WWOX: variants seen among roughly 807,000 people sequenced by gnomAD.
The protein encoded by WWOX is WW domain containing oxidoreductase, also known as WW domain-containing oxidoreductase.
In WWOX, 69 loss-of-function variants were observed where a neutral mutation model predicts 46.2. The ratio of observed to expected loss-of-function variants is 1.49; its 90% confidence interval spans 1.23 to 1.82. The LOEUF (loss-of-function observed/expected upper bound fraction) is 1.82, where lower values mean the gene tolerates loss of function less well. Among genes scored for constraint, WWOX ranks in the 40% most tolerant of loss-of-function variants. The probability of loss-of-function intolerance (pLI) is 0.00; values close to 1 mark genes in which losing one functional copy is unlikely to be tolerated. For missense variants in WWOX, 919 were observed against 542.6 expected (o/e 1.69, Z -6.89); for synonymous variants, 359 against 202.6 (o/e 1.77, Z -6.56).
chr16:78,189,844 G>A (rs1309050617), intron 5 of WWOX, among the ~76,000 whole-genome samples: 1 of 151,916 alleles, frequency 6.6e-6, no homozygotes, highest in African/African-American at 2.4e-5. Flanking sequence ...TAGTAGAGAC[G>A]AGGTTTCACC....
chr16:79,134,732 A>C (rs2049950369), intron 8 of WWOX, among the ~76,000 whole-genome samples: 1 of 152,206 alleles, frequency 6.6e-6, no homozygotes. Context: ...GAAATGAAGT[A>C]ACTCAGCTAA....
At chr16:78,251,082 G>A (rs1429594507) in intron 5 of WWOX, among the ~76,000 whole-genome samples, 1 of 152,156 alleles carries the variant, frequency 6.6e-6, no homozygotes, top group African/African-American at 2.4e-5. Context: ...TACCGCTATT[G>A]GGGTGTGTTC....
chr16:78,854,734 C>A (rs1464805858), intron 8 of WWOX, among the ~76,000 whole-genome samples: 4 of 151,994 alleles, frequency 2.6e-5, no homozygotes, highest in African/African-American at 9.7e-5. Flanking sequence ...GCACATGCCA[C>A]CACTCCCAGC....
intron 8 of WWOX, among the ~76,000 whole-genome samples, chr16:78,782,098 C>T (rs746873578): frequency 3.3e-5 from 5 of 152,130 alleles, no homozygotes; most frequent in African/African-American, 7.2e-5. Context: ...GAAGCTGTTA[C>T]ATTTGGCAGC....
intron 5 of WWOX, among the ~76,000 whole-genome samples, chr16:78,354,039 G>C (rs1567518931): frequency 1.3e-5 from 2 of 152,114 alleles, no homozygotes; most frequent in South Asian, 2.1e-4. Context: ...TTCAGTCTAC[G>C]CAAGGGTATT....
chr16:79,176,006 C>G (rs759930479), intron 8 of WWOX, among the ~76,000 whole-genome samples: 1 of 152,150 alleles, frequency 6.6e-6, no homozygotes, highest in African/African-American at 2.4e-5. Context: ...GAAATGTTAC[C>G]TGCTCTATGA....
chr16:78,790,162 G>A (rs190813555), intron 8 of WWOX, among the ~76,000 whole-genome samples: 1 of 152,062 alleles, frequency 6.6e-6, no homozygotes, highest in African/African-American at 2.4e-5. Flanking sequence ...TTTGGGACAG[G>A]GTCTTGCTCT....
At chr16:78,331,495 G>A (rs1263067445) in intron 5 of WWOX, among the ~76,000 whole-genome samples, 3 of 152,286 alleles carry the variant, frequency 2.0e-5, no homozygotes, top group East Asian at 1.9e-4. Context: ...TCGTAATATA[G>A]CTAGTTTTTG....
chr16:79,073,764 G>T (rs1017794277), intron 8 of WWOX, among the ~76,000 whole-genome samples: 1 of 152,134 alleles, frequency 6.6e-6, no homozygotes, highest in Non-Finnish European at 1.5e-5. Context: ...CAGGGCTTCC[G>T]TAGGGTTTAT....
Position 78,119,579 on chromosome 16 carries a change from A to T in WWOX, c.409+4425A>T, listed in dbSNP as rs901242708. 3.9e-5 allele frequency among the ~76,000 whole-genome samples: 6 copies of T among 151,928 alleles called. No homozygotes were observed. The East Asian group carries it at 1.2e-3, about 29-fold the overall frequency. Reference sequence around the variant, plus strand: ...TTTTCTGTAAGCAGACAGATTTATTATCATATTTACGGAGTGACATCCAGG... The same window carrying T: ...TTTTCTGTAAGCAGACAGATTTATTTTCATATTTACGGAGTGACATCCAGG... On this transcript the variant is annotated intron_variant, in intron 4 of 8. Transcript: ENST00000566780.
intron 8 of WWOX, among the ~76,000 whole-genome samples, chr16:78,641,638 G>C (rs1340810619): frequency 6.6e-6 from 1 of 152,114 alleles, no homozygotes; most frequent in Non-Finnish European, 1.5e-5. Context: ...CCGGCTCGTG[G>C]TTAACCCAAG....
At chr16:78,847,545 C>G (rs2052332655) in intron 8 of WWOX, among the ~76,000 whole-genome samples, 1 of 151,906 alleles carries the variant, frequency 6.6e-6, no homozygotes, top group African/African-American at 2.4e-5. Flanking sequence ...TGTTGCCCAG[C>G]TCAGTCTCAA....
intron 8 of WWOX, among the ~76,000 whole-genome samples, chr16:79,007,577 C>T (rs369667605): frequency 1.3e-5 from 2 of 152,316 alleles, no homozygotes; most frequent in East Asian, 3.9e-4. Flanking sequence ...CATAGGCATG[C>T]TACTTTATAT....
intron 8 of WWOX, among the ~76,000 whole-genome samples, chr16:79,125,700 G>A (rs559306208): frequency 1.2e-4 from 19 of 152,304 alleles, no homozygotes; most frequent in African/African-American, 4.1e-4. Flanking sequence ...CAACAATGTT[G>A]ACATTGTGAA....
At chr16:78,233,729 G>A (rs1290422976) in intron 5 of WWOX, among the ~76,000 whole-genome samples, 2 of 151,980 alleles carry the variant, frequency 1.3e-5, no homozygotes, top group African/African-American at 2.4e-5. Context: ...GGGTTTCACC[G>A]TGTTAGCCAG....
At chr16:78,477,614 AT>A (rs146295507) in intron 8 of WWOX, among the ~76,000 whole-genome samples, 8,281 of 151,964 alleles carry the variant, frequency 0.054, 537 homozygotes, top group African/African-American at 0.15. Flanking sequence ...GTGAGATTTT[AT>A]TTTTTTTCAA....
At chr16:79,159,694 G>T (rs888683411) in intron 8 of WWOX, among the ~76,000 whole-genome samples, 2 of 152,184 alleles carry the variant, frequency 1.3e-5, no homozygotes, top group African/African-American at 4.8e-5. Context: ...AGAACAGGGG[G>T]AAAGATAGCA....
At chr16:78,758,245 C>T (rs1288522120) in intron 8 of WWOX, among the ~76,000 whole-genome samples, 2 of 151,998 alleles carry the variant, frequency 1.3e-5, no homozygotes, top group South Asian at 2.1e-4. Context: ...ATAGTAATTC[C>T]ATGTAGCTAT....
At chr16:78,844,508 C>T (rs79974905) in intron 8 of WWOX, among the ~76,000 whole-genome samples, 6,565 of 151,980 alleles carry the variant, frequency 0.043, 175 homozygotes, top group Non-Finnish European at 0.062. Flanking sequence ...GAAAACATCC[C>T]GAGCCCGAAC....
Sources: allele counts gnomAD v4.1 joint callset (sites outside exome capture counted in the v4.1 genomes callset), GRCh38; gene constraint gnomAD v4.1.1; transcripts MANE v1.5; gene names NCBI Gene and HGNC (gene_info 2026-07-23, HGNC 2026-07-21).